Variants in OSBPL3 observed in about 807,000 individuals in gnomAD.
The protein encoded by OSBPL3 is oxysterol-binding protein-related protein 3.
In OSBPL3, 65 loss-of-function variants were observed where a neutral mutation model predicts 120.1. The observed-to-expected ratio is 0.54, with a 90% confidence interval of 0.44 to 0.67. OSBPL3 has a LOEUF of 0.67. Ranked by LOEUF, OSBPL3 falls within the 30% of genes least tolerant of loss-of-function variation. The probability of loss-of-function intolerance (pLI) is 0.00; values close to 1 mark genes in which losing one functional copy is unlikely to be tolerated. For synonymous variants in OSBPL3, 416 were observed against 402.6 expected (o/e 1.03, Z -0.40); for missense variants, 1,004 against 1,082.1 (o/e 0.93, Z 1.01).
chr7:24,809,318 A>G (rs921184030), intron 20 of OSBPL3, among the ~76,000 whole-genome samples: 1 of 152,188 alleles, frequency 6.6e-6, no homozygotes, highest in East Asian at 1.9e-4. Flanking sequence ...TCTTCTGCCC[A>G]TATCTGCTCC....
rs1293838045 is a variant in OSBPL3 at position 24,815,056 on chromosome 7, T to C, written c.2172+3A>G. 6.2e-7 allele frequency: 1 copy of C among 1,614,046 alleles called. No individual in the cohort carries two copies. On this transcript the variant is annotated splice_donor_region_variant and intron_variant, in intron 19 of 22. Transcript: ENST00000313367. This position sits in a 1 kb window ranked among gnomAD's most constrained non-coding sequence, Gnocchi z 5.1. The stretch of plus-strand genomic sequence containing the variant: ...TCAGAGCTCAGAGAGTCACTGGAGT[T>C]ACCTTTATAAAATTCACTTTGCAGT...
Position 24,936,714 on chromosome 7 carries a change from G to T in OSBPL3, c.-150+43172C>A, listed in dbSNP as rs1161016039. Among the ~76,000 whole-genome samples, 1 of 152,188 alleles carries T rather than the reference G, an allele frequency of 6.6e-6. No homozygotes were observed. The highest frequency in any genetic ancestry group is 2.4e-5 in the African/African-American group (1 of 41,442). On this transcript the variant is annotated intron_variant, in intron 1 of 22. Transcript: ENST00000313367. The surrounding 1 kb of genome is among the most constrained non-coding windows in gnomAD (Gnocchi z 4.2). ...CCTGCTGGAGAACAGGTATGTAGAA[G>T]TTAGGGAAGATGTGAAGGGATATGA...
At chr7:24,875,772 T>C (rs1802756318) in intron 2 of OSBPL3, among the ~76,000 whole-genome samples, 2 of 150,506 alleles carry the variant, frequency 1.3e-5, no homozygotes, top group Admixed American at 1.3e-4. Context: ...CATATTTACA[T>C]ATATAAATTT....
Position 24,899,851 on chromosome 7 carries a change from GT to G in OSBPL3, c.-149-7231del, listed in dbSNP as rs1244208231. ...GCAGATTTTGCTCCACTTTAGATGA[GT>G]TGAATCAGAATTTCTATCTAGAGAC... On this transcript the variant is annotated intron_variant, in intron 1 of 22. Coordinates refer to ENST00000313367, the MANE Select transcript of OSBPL3 (RefSeq NM_015550.4). The surrounding 1 kb of genome is among the most constrained non-coding windows in gnomAD (Gnocchi z 4.0). Among the ~76,000 whole-genome samples the G allele has an allele frequency of 6.6e-6, 1 of 152,210 alleles. No individual in the cohort carries two copies. The highest frequency in any genetic ancestry group is 1.5e-5 in the Non-Finnish European group (1 of 68,036).
intron 12 of OSBPL3, among the ~76,000 whole-genome samples, chr7:24,845,461 A>ATGTG (rs138960641): frequency 3.1e-4 from 42 of 137,090 alleles, no homozygotes; most frequent in East Asian, 2.7e-3. Flanking sequence ...GTGTGTGTGT[A>ATGTG]TGTGTGTGTG....
chr7:24,929,439 T>C (rs1312820232), intron 1 of OSBPL3, among the ~76,000 whole-genome samples: 1 of 152,228 alleles, frequency 6.6e-6, no homozygotes, highest in Non-Finnish European at 1.5e-5. Context: ...GCTTAAATTC[T>C]TGTACTAAGT....
chr7:24,976,792 G>A (rs427), intron 1 of OSBPL3, among the ~76,000 whole-genome samples: 34,558 of 152,040 alleles, frequency 0.23, 4,217 homozygotes, highest in East Asian at 0.45. Context: ...CAGTACTGCC[G>A]AGAAGCACAT....
chr7:24,911,260 T>C (rs146671344), intron 1 of OSBPL3, among the ~76,000 whole-genome samples: 262 of 152,336 alleles, frequency 1.7e-3, no homozygotes, highest in African/African-American at 5.9e-3. Flanking sequence ...ATCTGGTGGT[T>C]TGAATTTTAT....
chr7:24,885,243 GAA>G (rs1804337227), intron 2 of OSBPL3, among the ~76,000 whole-genome samples: 1 of 143,598 alleles, frequency 7.0e-6, no homozygotes, highest in African/African-American at 2.6e-5. Context: ...AAAAAAAAAA[GAA>G]AGAAATGGGA....
At chr7:24,956,375 T>A (rs1815049584) in intron 1 of OSBPL3, among the ~76,000 whole-genome samples, 1 of 152,252 alleles carries the variant, frequency 6.6e-6, no homozygotes, top group Admixed American at 6.5e-5. Context: ...ATAAGGGTAC[T>A]CAGAAAAGAA....
In OSBPL3 at chr7:24,876,821, G is replaced by A. The variant is rs547207396; in HGVS notation, c.97-4752C>T. Among the ~76,000 whole-genome samples the A allele has an allele frequency of 1.7e-4, 26 of 152,224 alleles. No individual in the cohort carries two copies. The East Asian group carries it at 4.0e-3, about 24-fold the overall frequency. On this transcript the variant is annotated intron_variant, in intron 2 of 22. Coordinates refer to ENST00000313367, the MANE Select transcript of OSBPL3 (RefSeq NM_015550.4). ...ACACTTTCTAGCTCTATGAAAGCAG[G>A]AACCTTTTCTGTCTTGTTCACTACT...
rs778848444 is a variant in OSBPL3 at position 24,806,970 on chromosome 7, C to G, written c.2318-68G>C. The G allele has an allele frequency of 2.8e-5, 39 of 1,416,120 alleles. No individual in the cohort carries two copies. In the South Asian group the frequency reaches 3.0e-4, roughly 11 times the overall value. The allele number at this position is 1,416,120 out of a possible 1,614,324, so 87.7% of individuals were successfully genotyped here. Reference sequence around the variant, plus strand: ...TTATGTTACATTTTAATTCCTTCACCTTTTTCGTCTCAGCCTAGCTACAAT... The same window carrying G: ...TTATGTTACATTTTAATTCCTTCACGTTTTTCGTCTCAGCCTAGCTACAAT... On this transcript the variant is annotated intron_variant, in intron 20 of 22. Transcript: ENST00000313367. This position sits in a 1 kb window ranked among gnomAD's most constrained non-coding sequence, Gnocchi z 5.2.
chr7:24,885,640 C>A (rs1804412746), intron 2 of OSBPL3, among the ~76,000 whole-genome samples: 1 of 152,354 alleles, frequency 6.6e-6, no homozygotes, highest in Non-Finnish European at 1.5e-5. Flanking sequence ...AACTTCTATG[C>A]CAAATGCTAA....
At chr7:24,848,106 C>T (rs760691731) in intron 12 of OSBPL3, among the ~76,000 whole-genome samples, 10 of 152,168 alleles carry the variant, frequency 6.6e-5, no homozygotes, top group Admixed American at 1.3e-4. Context: ...TGCCCGGAGC[C>T]CTACAGTCCA....
rs112935197 is a variant in OSBPL3, at chr7:24,798,909, A to G, written c.*1274T>C. 1 of 152,662 alleles carries G rather than the reference A, an allele frequency of 6.6e-6. No individual in the cohort carries two copies. The highest frequency in any genetic ancestry group is 2.4e-5 in the African/African-American group (1 of 41,456). The allele number at this position is 152,662 out of a possible 1,614,324, so 9.5% of individuals were successfully genotyped here. A position where few individuals can be genotyped will look rare whatever the true frequency, so the allele number is the denominator to read the frequency against. On this transcript the variant is annotated 3_prime_UTR_variant, in exon 23 of 23. Coordinates refer to ENST00000313367, the MANE Select transcript of OSBPL3 (RefSeq NM_015550.4). The surrounding 1 kb of genome is among the most constrained non-coding windows in gnomAD (Gnocchi z 4.6). ...GGACATGCTTTGATAACACAATTCA[A>G]CTACTACACATATTATTGTAATGTG...
Position 24,873,033 on chromosome 7 carries a change from T to C in OSBPL3, c.97-964A>G, listed in dbSNP as rs933717274. On this transcript the variant is annotated intron_variant, in intron 2 of 22. Transcript: ENST00000313367. The surrounding 1 kb of genome is among the most constrained non-coding windows in gnomAD (Gnocchi z 4.1). ...TTGATAAAAATGATAAATTTTTACA[T>C]TTATACATATACTCAGTAACTGCCA... 2.0e-5 allele frequency among the ~76,000 whole-genome samples: 3 copies of C among 152,194 alleles called. No individual in the cohort carries two copies. The highest frequency in any genetic ancestry group is 7.2e-5 in the African/African-American group (3 of 41,444).
At position 24,834,771 on chromosome 7, in the gene OSBPL3, G is replaced by C; in HGVS notation, c.1496-35C>G. On this transcript the variant is annotated intron_variant, in intron 14 of 22. Transcript: ENST00000313367. This position sits in a 1 kb window ranked among gnomAD's most constrained non-coding sequence, Gnocchi z 5.2. ...AAAGAGGCCTGGTTGTCTCTATAAA[G>C]CTTTTCATTTTATTCTATTATTTTT... 7.9e-6 allele frequency: 12 copies of C among 1,513,420 alleles called. No homozygotes were observed. The highest frequency in any genetic ancestry group is 1.4e-5 in the African/African-American group (1 of 71,534). The allele number at this position is 1,513,420 out of a possible 1,614,324, so 93.7% of individuals were successfully genotyped here.
chr7:24,801,243 CAAAAAAA>C (rs397976980), intron 22 of OSBPL3, among the ~76,000 whole-genome samples: 11 of 73,994 alleles, frequency 1.5e-4, no homozygotes, highest in Non-Finnish European at 2.8e-4. Context: ...GACTCCTTCT[CAAAAAAA>C]AAAAAAAAAA....
At chr7:24,909,212 C>G (rs1364015647) in intron 1 of OSBPL3, among the ~76,000 whole-genome samples, 2 of 152,296 alleles carry the variant, frequency 1.3e-5, no homozygotes, top group African/African-American at 4.8e-5. Flanking sequence ...TCCACTCTCC[C>G]CTTCTTTAAT....
Sources: gnomAD v4.1 joint callset for allele counts (sites outside exome capture counted in the v4.1 genomes callset) on GRCh38, gnomAD v4.1.1 for gene constraint, Gnocchi (gnomAD v3.1) non-coding constraint, MANE v1.5 for transcripts, NCBI Gene and HGNC (gene_info 2026-07-23, HGNC 2026-07-21) for gene names.